Variants in MYEF2 observed in about 807,000 individuals in gnomAD.
MYEF2 encodes myelin gene expression factor 2.
Under a neutral mutation model 75.2 loss-of-function variants are expected in MYEF2, and 37 were observed. The ratio of observed to expected loss-of-function variants is 0.49; its 90% CI spans 0.38 to 0.65. The LOEUF (loss-of-function observed/expected upper bound fraction) is 0.65, where lower values mean the gene tolerates loss of function less well. Among genes scored for constraint, MYEF2 ranks in the 30% least tolerant of loss-of-function variants. The pLI is 0.00. For synonymous variants in MYEF2, 195 were observed against 241.6 expected, an observed-to-expected ratio of 0.81 and a Z score of 1.79; for missense variants, 634 against 771.4, an observed-to-expected ratio of 0.82 and a Z score of 2.11.
chr15:48,144,013 G>A (rs577208321), intron 16 of MYEF2, among the ~76,000 whole-genome samples: 1 of 152,134 alleles, frequency 6.6e-6, no homozygotes, highest in South Asian at 2.1e-4. Context: ...AATTTAGGGT[G>A]TGACTACTTA....
rs2039092422 is a variant in MYEF2, at chr15:48,141,669, T to G, written c.*1239A>C. 5.8e-6 allele frequency: 1 copy of G among 171,110 alleles called. No individual in the cohort carries two copies. The highest frequency in any genetic ancestry group is 2.4e-5 in the African/African-American group (1 of 41,990). 10.6% of individuals were successfully genotyped at this position (171,110 alleles called of 1,614,324 possible). ...AAAAAGTGACTCCAGAGGAAAAGTT[T>G]ACTATTTAATAGCAGGTTAATTTCA... On this transcript the variant is annotated 3_prime_UTR_variant, in exon 17 of 17. Transcript: ENST00000324324.
chr15:48,153,673 C>T (rs1286104559), intron 10 of MYEF2, 119 bp downstream of exon 10: 43 of 759,276 alleles, frequency 5.7e-5, no homozygotes, highest in Non-Finnish European at 8.0e-5. Flanking sequence ...GAAGTGACAC[C>T]GTAAATATCT....
intron 2 of MYEF2, among the ~76,000 whole-genome samples, chr15:48,167,733 C>T (rs2040182018): frequency 6.6e-6 from 1 of 152,070 alleles, no homozygotes; most frequent in South Asian, 2.1e-4. Context: ...AAAACATCAA[C>T]ATTAGCACTT....
chr15:48,174,586 A>G (rs998367714), intron 1 of MYEF2, among the ~76,000 whole-genome samples: 10 of 152,206 alleles, frequency 6.6e-5, no homozygotes, highest in South Asian at 6.2e-4. Flanking sequence ...TGTATAAGGA[A>G]CCCATACAAC....
At chr15:48,161,768 T>A (rs1431508523) in intron 5 of MYEF2, among the ~76,000 whole-genome samples, 2 of 150,508 alleles carry the variant, frequency 1.3e-5, no homozygotes, top group African/African-American at 4.9e-5. Context: ...GTAGTACATG[T>A]CCTTTGAAGA....
intron 14 of MYEF2, among the ~76,000 whole-genome samples, chr15:48,150,400 G>A (rs2039448159): frequency 6.6e-6 from 1 of 151,966 alleles, no homozygotes. Context: ...TAAATAGGTT[G>A]TATTTTCTAT....
rs560793640 is a variant in MYEF2 at position 48,140,981 on chromosome 15, C to T, written c.*1927G>A. 2 of 648,354 alleles carry T rather than the reference C, an allele frequency of 3.1e-6. No individual in the cohort carries two copies. The highest frequency in any genetic ancestry group is 2.9e-5 in the East Asian group (1 of 34,096). The allele number at this position is 648,354 out of a possible 1,614,324, so 40.2% of individuals were successfully genotyped here. On this transcript the variant is annotated 3_prime_UTR_variant, in exon 17 of 17. Coordinates refer to ENST00000324324, the MANE Select transcript of MYEF2 (RefSeq NM_016132.5). Reference sequence around the variant, plus strand: ...TGTTGCTAGCTAAAAAACTAATAAGCAAGCACATATTGGCTCTGAATTCTA... The same window carrying T: ...TGTTGCTAGCTAAAAAACTAATAAGTAAGCACATATTGGCTCTGAATTCTA...
rs1434353182 is a variant in MYEF2, at chr15:48,149,323, C to G, written c.1427G>C (p.Gly476Ala). The stretch of plus-strand genomic sequence containing the variant: ...AAAGCTGGAACTCATCCGGTCCAGT[C>G]CCATCCCCATTCCTCCAGTCACACT... ...MNSVTGGMGM[G>A]LDRMSSSFDR... is the part of the protein sequence containing the mutation. The change falls in exon 15 of 17, where the codon GGA (glycine) becomes GCA (alanine). Residue 476 changes from glycine (G) to alanine (A), a missense_variant. Physicochemically the swap from Gly to Ala is moderately conservative, Grantham distance 60. Coordinates refer to ENST00000324324, the MANE Select transcript of MYEF2 (RefSeq NM_016132.5). This position sits in a 1 kb window ranked among gnomAD's most constrained non-coding sequence, Gnocchi z 4.0. The G allele has an allele frequency of 1.9e-6, 3 of 1,612,982 alleles. No individual in the cohort carries two copies. Among genetic ancestry groups the G allele is most frequent in the African/African-American group, 1.3e-5 (1 of 74,802 alleles).
At chr15:48,159,916 C>G in intron 5 of MYEF2, 112 bp from the exon 6 acceptor site, 3 of 1,117,736 alleles carry the variant, frequency 2.7e-6, no homozygotes, top group Non-Finnish European at 3.7e-6. Flanking sequence ...AATTATTGAC[C>G]CTCTTGAAGA....
intron 1 of MYEF2, among the ~76,000 whole-genome samples, chr15:48,177,548 T>C (rs911909840): frequency 3.3e-5 from 5 of 152,086 alleles, no homozygotes; most frequent in Non-Finnish European, 7.4e-5. Context: ...TTCCTCTCGG[T>C]ATAAATCAGT....
intron 9 of MYEF2, chr15:48,157,324 T>C (rs1171364048): frequency 6.6e-6 from 1 of 152,158 alleles, no homozygotes; most frequent in Non-Finnish European, 1.5e-5. Flanking sequence ...TACACTGTTA[T>C]AGTCATTTTG....
rs190393454 is a variant in MYEF2, at chr15:48,175,469, C to T, written c.161+2608G>A. 1.8e-3 allele frequency among the ~76,000 whole-genome samples: 270 copies of T among 152,188 alleles called. 2 individuals carry two copies. The highest frequency in any genetic ancestry group is 5.2e-3 in the Admixed American group (80 of 15,288). On this transcript the variant is annotated intron_variant, in intron 1 of 16. Transcript: ENST00000324324. Reference sequence around the variant, plus strand: ...GAATAGATCTTAAGTATTTTCAACACCAAAAAATATGGTAGCTATGCGAGG... The same window carrying T: ...GAATAGATCTTAAGTATTTTCAACATCAAAAAATATGGTAGCTATGCGAGG...
intron 1 of MYEF2, among the ~76,000 whole-genome samples, chr15:48,171,420 T>A (rs1455901068): frequency 1.3e-5 from 2 of 152,138 alleles, no homozygotes; most frequent in African/African-American, 4.8e-5. Flanking sequence ...CTTACAACAA[T>A]CTGAAAATTC....
rs763876128 is a variant in MYEF2, at chr15:48,139,177, T to C, written c.*3731A>G. On this transcript the variant is annotated 3_prime_UTR_variant, in exon 17 of 17. Transcript: ENST00000324324. ...TGGTTTGGATGGTCACAATAACTGG[T>C]ATGTATTTTAAGTACAATAGCACAA... The C allele has an allele frequency of 6.2e-7, 1 of 1,605,296 alleles. No homozygotes were observed. Among genetic ancestry groups the C allele is most frequent in the Non-Finnish European group, 8.5e-7 (1 of 1,173,576 alleles).
rs1334939427 is a variant in MYEF2 at position 48,149,248 on chromosome 15, A to G, written c.1502T>C (p.Met501Thr). The G allele has an allele frequency of 6.2e-7, 1 of 1,613,452 alleles. No homozygotes were observed. The highest frequency in any genetic ancestry group is 1.1e-5 in the South Asian group (1 of 91,068). ...TGGACCCGATAAAAATCCTCGATCCATATCGATGCTCCTTTCCAGTATAGC... is the reference window on the plus strand; with the variant it reads ...TGGACCCGATAAAAATCCTCGATCCGTATCGATGCTCCTTTCCAGTATAGC... ...IGAILERSID[M>T]DRGFLSGPMG... is the part of the protein sequence containing the mutation. The change falls in exon 15 of 17, where the codon ATG becomes ACG. Residue 501 changes from methionine (M) to threonine (T), a missense_variant. Met to Thr is a moderately conservative substitution (Grantham distance 81). Transcript: ENST00000324324. The surrounding 1 kb of genome is among the most constrained non-coding windows in gnomAD (Gnocchi z 4.0).
intron 14 of MYEF2, among the ~76,000 whole-genome samples, chr15:48,150,219 C>T (rs2039440660): frequency 6.6e-6 from 1 of 151,690 alleles, no homozygotes; most frequent in Admixed American, 6.6e-5. Context: ...AATATAAAAT[C>T]AGGGAAACAG....
At chr15:48,167,310 C>CT in intron 3 of MYEF2, 39 bp downstream of exon 3, 1 of 1,601,852 alleles carries the variant, frequency 6.2e-7, no homozygotes, top group Admixed American at 1.7e-5. Flanking sequence ...TGCTGAGGAA[C>CT]TTTTAAACCT....
chr15:48,134,824 C>T lies in MYEF2; in HGVS notation c.*8084G>A, dbSNP rs1158125703. 2.4e-6 allele frequency: 3 copies of T among 1,266,802 alleles called. No homozygotes were observed. Among genetic ancestry groups the T allele is most frequent in the Admixed American group, 1.9e-5 (1 of 52,042 alleles). 78.5% of individuals were successfully genotyped at this position (1,266,802 alleles called of 1,614,324 possible). A position where few individuals can be genotyped will look rare whatever the true frequency, so the allele number is the denominator to read the frequency against. The stretch of plus-strand genomic sequence containing the variant: ...ATATATAAACAATTTTAGTATTATA[C>T]TAAGGATTGTACTTGAAGAAGTTAC... On this transcript the variant is annotated 3_prime_UTR_variant, in exon 17 of 17. Coordinates refer to ENST00000324324, the MANE Select transcript of MYEF2 (RefSeq NM_016132.5).
intron 9 of MYEF2, 80 bp downstream of exon 9, chr15:48,157,913 C>A (rs767790824): frequency 5.4e-5 from 85 of 1,574,506 alleles, no homozygotes; most frequent in Non-Finnish European, 7.3e-5. Flanking sequence ...GATGTAGGCA[C>A]AAAAACAAAG....
Sources: gnomAD v4.1 joint callset for allele counts (sites outside exome capture counted in the v4.1 genomes callset) on GRCh38, gnomAD v4.1.1 for gene constraint, Gnocchi (gnomAD v3.1) non-coding constraint, MANE v1.5 for transcripts, NCBI Gene and HGNC (gene_info 2026-07-23, HGNC 2026-07-21) for gene names.